The following HPS3 variants were observed in gnomAD, a reference collection of about 807,000 sequenced individuals.
HPS3 encodes the protein BLOC-2 complex member HPS3.
HPS3 carries 79 observed loss-of-function variants against 110.9 expected under a neutral mutation model. The observed-to-expected ratio is 0.71, with a 90% CI of 0.59 to 0.86. The LOEUF is 0.86. Among genes scored for constraint, HPS3 ranks in the 40% least tolerant of loss-of-function variants. The pLI is 0.00. For synonymous variants in HPS3, 428 were observed against 451.0 expected, an observed-to-expected ratio of 0.95 and a Z score of 0.65; for missense variants, 1,197 against 1,206.2, an observed-to-expected ratio of 0.99 and a Z score of 0.11.
chr3:149,140,548 TTCACCTTTGGCAGTCTGAAG>T, intron 2 of HPS3, 50 bp downstream of exon 2: 1 of 1,602,620 alleles, frequency 6.2e-7, no homozygotes, highest in Non-Finnish European at 8.5e-7. Flanking sequence ...ATAGAAAACC[TTCACCTTTGGCAGTCTGAAG>T]GTCTGTGGTA....
intron 5 of HPS3, among the ~76,000 whole-genome samples, chr3:149,145,941 GT>G (rs1722761392): frequency 6.6e-6 from 1 of 152,064 alleles, no homozygotes; most frequent in East Asian, 1.9e-4. Flanking sequence ...ATTTATAATA[GT>G]TTAGAACTGT....
At chr3:149,140,968 A>G in intron 2 of HPS3, 49 bp from the exon 3 acceptor site, 1 of 1,537,490 alleles carries the variant, frequency 6.5e-7, no homozygotes, top group Non-Finnish European at 9.0e-7. Context: ...AGGATGTTGT[A>G]AAATCTAATT....
At chr3:149,135,158 A>G (rs1405638348) in intron 1 of HPS3, among the ~76,000 whole-genome samples, 1 of 152,174 alleles carries the variant, frequency 6.6e-6, no homozygotes, top group Non-Finnish European at 1.5e-5. Context: ...TTTCAGGTTA[A>G]AAAAAATCTC....
At chr3:149,138,244 A>C (rs1052396287) in intron 1 of HPS3, among the ~76,000 whole-genome samples, 1 of 152,230 alleles carries the variant, frequency 6.6e-6, no homozygotes, top group East Asian at 1.9e-4. Flanking sequence ...GAGCCTGGTC[A>C]GCCCAGTGAA....
intron 4 of HPS3, among the ~76,000 whole-genome samples, chr3:149,143,063 G>T (rs529702477): frequency 6.6e-6 from 1 of 152,298 alleles, no homozygotes; most frequent in South Asian, 2.1e-4. Flanking sequence ...TAAGGGGGCT[G>T]CAGTGAGACA....
chr3:149,143,596 A>G (rs543044152), intron 4 of HPS3, among the ~76,000 whole-genome samples: 50 of 152,212 alleles, frequency 3.3e-4, no homozygotes, highest in Non-Finnish European at 6.6e-4. Context: ...GAATAGACGA[A>G]TGGATGGGTC....
intron 5 of HPS3, among the ~76,000 whole-genome samples, chr3:149,145,781 A>C (rs1722752163): frequency 6.6e-6 from 1 of 152,150 alleles, no homozygotes; most frequent in African/African-American, 2.4e-5. Flanking sequence ...CCCTGTAAGG[A>C]AGTATAAGGT....
intron 4 of HPS3, among the ~76,000 whole-genome samples, chr3:149,143,223 T>C (rs981754643): frequency 1.3e-5 from 2 of 152,230 alleles, no homozygotes; most frequent in Non-Finnish European, 2.9e-5. Context: ...ACTCTCACCC[T>C]GCTTACTATT....
chr3:149,149,017 G>C (rs1338895969), intron 5 of HPS3, among the ~76,000 whole-genome samples: 2 of 134,982 alleles, frequency 1.5e-5, no homozygotes, highest in African/African-American at 2.8e-5. Context: ...GCAGTGGCAC[G>C]ATCTTGGCTC....
chr3:149,157,500 A>G lies in HPS3; in HGVS notation c.1660A>G (p.Ser554Gly). ...KAELLEAFKE[S>G]CGHLGDCYSR... ...AGAGCTTTTGGAAGCATTTAAGGAA[A>G]GCTGTGGGCACCTTGGGGACTGTTA... The change falls in exon 9 of 17, where the codon AGC becomes GGC. Residue 554 changes from serine to glycine, a missense_variant. Physicochemically the swap from Ser to Gly is moderately conservative, Grantham distance 56 (BLOSUM62 0). Coordinates refer to ENST00000296051, the MANE Select transcript of HPS3 (RefSeq NM_032383.5). 6.2e-7 allele frequency: 1 copy of G among 1,613,814 alleles called. No individual in the cohort carries two copies. The highest frequency in any genetic ancestry group is 8.5e-7 in the Non-Finnish European group (1 of 1,179,812).
At chr3:149,148,254 A>T (rs1164713807) in intron 5 of HPS3, among the ~76,000 whole-genome samples, 1 of 152,148 alleles carries the variant, frequency 6.6e-6, no homozygotes, top group Non-Finnish European at 1.5e-5. Context: ...TCTGGAAGAT[A>T]GGTATACGCC....
At chr3:149,161,001 C>T (rs1031742773) in intron 11 of HPS3, among the ~76,000 whole-genome samples, 4 of 152,188 alleles carry the variant, frequency 2.6e-5, no homozygotes, top group Middle Eastern at 3.2e-3. Flanking sequence ...AGAATTGAAT[C>T]GGGCAGCCTG....
Position 149,167,178 on chromosome 3 carries a change from T to A in HPS3, c.2734T>A (p.Leu912Ile). The change falls in exon 15 of 17, where the codon TTA becomes ATA. Residue 912 changes from leucine (L) to isoleucine (I), a missense_variant. Leu to Ile is a conservative substitution (Grantham distance 5). Transcript: ENST00000296051. The stretch of plus-strand genomic sequence containing the variant: ...GTATGAACAGTGCATAGACATACTG[T>A]TAGAGAGATGCCCGGAGGCAGTCAT... ...KEYEQCIDIL[L>I]ERCPEAVIPY... The A allele has an allele frequency of 6.2e-7, 1 of 1,613,972 alleles. No individual in the cohort carries two copies. Among genetic ancestry groups the A allele is most frequent in the Non-Finnish European group, 8.5e-7 (1 of 1,179,888 alleles).
At position 149,143,670 on chromosome 3, in the gene HPS3, A is replaced by G. The variant is rs560177056; in HGVS notation, c.971-1684A>G. On this transcript the variant is annotated intron_variant, in intron 4 of 16. Coordinates refer to ENST00000296051, the MANE Select transcript of HPS3 (RefSeq NM_032383.5). ...TTTGGAAAGATATTACATAATGGGAACCAACATTATATGAGGTGTAAAATT... is the reference window on the plus strand; with the variant it reads ...TTTGGAAAGATATTACATAATGGGAGCCAACATTATATGAGGTGTAAAATT... Among the ~76,000 whole-genome samples the G allele has an allele frequency of 3.1e-4, 47 of 152,318 alleles. No homozygotes were observed. The South Asian group carries it at 8.1e-3, about 26-fold the overall frequency.
In HPS3 at chr3:149,141,493, GA is replaced by G. The variant is rs1410660005; in HGVS notation, c.970+114del. ...GTTTGGTGGTTTGGTTCTTCCACTG[GA>G]GTCTCCTTGTGGCCCTTTAACAAAG... On this transcript the variant is annotated intron_variant, in intron 4 of 16. Coordinates refer to ENST00000296051, the MANE Select transcript of HPS3 (RefSeq NM_032383.5). The G allele has an allele frequency of 1.6e-4, 128 of 823,842 alleles. 1 individual carries two copies. The highest frequency in any genetic ancestry group is 4.8e-4 in the Middle Eastern group (2 of 4,198). 51.0% of individuals were successfully genotyped at this position (823,842 alleles called of 1,614,324 possible).
intron 6 of HPS3, among the ~76,000 whole-genome samples, chr3:149,151,605 A>C (rs1447936646): frequency 2.7e-5 from 4 of 147,050 alleles, no homozygotes; most frequent in African/African-American, 1.0e-4. Context: ...AAAAAAAAAA[A>C]AAAAAAAAAA....
Position 149,129,911 on chromosome 3 carries a change from G to T in HPS3, c.188G>T (p.Arg63Leu). The T allele has an allele frequency of 6.4e-7, 1 of 1,566,536 alleles. No individual in the cohort carries two copies. ...QPRCAFSTLG[R>L]VLRLAYSEAG... ...CGGTGCGCCTTCTCCACGCTGGGCC[G>T]GGTGTTGCGCCTGGCCTACAGCGAG... is the stretch of plus-strand genomic sequence containing the variant. The change falls in exon 1 of 17, where the codon CGG becomes CTG. Residue 63 changes from arginine (R) to leucine (L), a missense_variant. Coordinates refer to ENST00000296051, the MANE Select transcript of HPS3 (RefSeq NM_032383.5).
chr3:149,168,279 T>C (rs1724628702), intron 16 of HPS3: 1 of 333,176 alleles, frequency 3.0e-6, no homozygotes, highest in Non-Finnish European at 5.6e-6. Context: ...ATTAAGGCAA[T>C]TACATCTTTT....
intron 1 of HPS3, 54 bp downstream of exon 1, chr3:149,129,994 G>C (rs373452510): frequency 4.1e-6 from 6 of 1,478,088 alleles, no homozygotes; most frequent in East Asian, 2.5e-5. Context: ...AGGCCTCCTA[G>C]CTAGCGGACC....
Sources: allele counts gnomAD v4.1 joint callset (sites outside exome capture counted in the v4.1 genomes callset), GRCh38; gene constraint gnomAD v4.1.1; transcripts MANE v1.5; gene names NCBI Gene and HGNC (gene_info 2026-07-23, HGNC 2026-07-21).